TMC2: variants seen among roughly 807,000 people sequenced by gnomAD.
TMC2 encodes the protein transmembrane channel-like protein 2.
Under a neutral mutation model 105.9 loss-of-function variants are expected in TMC2, and 102 were observed. The observed-to-expected ratio is 0.96, with a 90% confidence interval of 0.82 to 1.14. The LOEUF (loss-of-function observed/expected upper bound fraction) is 1.14, where lower values mean the gene tolerates loss of function less well. Among genes scored for constraint, TMC2 ranks in the 50% most tolerant of loss-of-function variants. The probability of loss-of-function intolerance (pLI) is 0.00; values close to 1 mark genes in which losing one functional copy is unlikely to be tolerated. For missense variants in TMC2, 1,093 were observed against 1,134.3 expected (o/e 0.96, Z 0.52); for synonymous variants, 402 against 422.8 (o/e 0.95, Z 0.60).
At chr20:2,574,392 T>C (rs2086127930) in intron 5 of TMC2, among the ~76,000 whole-genome samples, 1 of 152,262 alleles carries the variant, frequency 6.6e-6, no homozygotes, top group Non-Finnish European at 1.5e-5. Flanking sequence ...AGGACTGCAC[T>C]TGCATTATAA....
At chr20:2,591,155 G>A (rs577426604) in intron 7 of TMC2, among the ~76,000 whole-genome samples, 8 of 152,056 alleles carry the variant, frequency 5.3e-5, no homozygotes, top group African/African-American at 1.2e-4. Context: ...TTATATACAC[G>A]TATAGAACTA....
At chr20:2,537,058 G>A (rs1295093348) in intron 1 of TMC2, among the ~76,000 whole-genome samples, 1 of 152,224 alleles carries the variant, frequency 6.6e-6, no homozygotes. Context: ...GTGCAGGGCA[G>A]GGGGTGGGGG....
chr20:2,621,739 C>T (rs181184616), intron 16 of TMC2, among the ~76,000 whole-genome samples: 38 of 152,260 alleles, frequency 2.5e-4, no homozygotes, highest in African/African-American at 7.9e-4. Context: ...GTTGGTGATT[C>T]TTTCTTCCTT....
At chr20:2,552,139 T>TC (rs1186234476) in intron 2 of TMC2, among the ~76,000 whole-genome samples, 2 of 151,946 alleles carry the variant, frequency 1.3e-5, no homozygotes, top group Non-Finnish European at 2.9e-5. Context: ...GCACCTGTAG[T>TC]CCCCCCTACT....
At chr20:2,571,520 G>A (rs574925718) in intron 4 of TMC2, among the ~76,000 whole-genome samples, 25 of 152,170 alleles carry the variant, frequency 1.6e-4, no homozygotes, top group East Asian at 7.7e-4. Context: ...GTAAGGGTGC[G>A]GAAAAACAAA....
intron 4 of TMC2, among the ~76,000 whole-genome samples, chr20:2,564,168 T>TTTTTTA (rs2086047285): frequency 6.7e-6 from 1 of 148,444 alleles, no homozygotes; most frequent in Non-Finnish European, 1.5e-5. Context: ...TTTTTTTTTT[T>TTTTTTA]GAGATGGAGT....
At chr20:2,569,687 T>C (rs73583375) in intron 4 of TMC2, among the ~76,000 whole-genome samples, 19,293 of 152,262 alleles carry the variant, frequency 0.13, 1,524 homozygotes, top group African/African-American at 0.21. Flanking sequence ...CGTTAATTAG[T>C]GCACAGTTCT....
In TMC2 at chr20:2,617,204, C is replaced by A; in HGVS notation, c.2073C>A (p.Ser691=). ...PHERVFKASR[S]NNFYMGLLLL... is the part of the protein sequence containing the mutation. ...AACGCGTGTTCAAAGCCTCCCGATC[C>A]AACAACTTCTACATGGGCCTCCTGC... Residue 691 remains serine, a synonymous_variant, in exon 16 of 20, where the codon TCC becomes TCA. Transcript: ENST00000358864. The A allele has an allele frequency of 1.2e-6, 2 of 1,614,210 alleles. No homozygotes were observed. Among genetic ancestry groups the A allele is most frequent in the Non-Finnish European group, 1.7e-6 (2 of 1,180,040 alleles).
intron 5 of TMC2, among the ~76,000 whole-genome samples, chr20:2,576,696 C>T (rs1489634015): frequency 6.6e-6 from 1 of 152,096 alleles, no homozygotes. Context: ...ATTTGAAGTC[C>T]ACAGCAGTCA....
At chr20:2,591,215 T>C (rs1185142357) in intron 7 of TMC2, among the ~76,000 whole-genome samples, 1 of 152,232 alleles carries the variant, frequency 6.6e-6, no homozygotes, top group Non-Finnish European at 1.5e-5. Context: ...AAGTTTCTTG[T>C]ACATATTTTT....
intron 11 of TMC2, 142 bp from the exon 12 acceptor site, chr20:2,610,276 CA>C: frequency 1.5e-6 from 1 of 674,058 alleles, no homozygotes; most frequent in Non-Finnish European, 2.4e-6. Context: ...GGTCACACAG[CA>C]AGCTGTGTAG....
chr20:2,543,039 C>T lies in TMC2; in HGVS notation c.82+5723C>T, dbSNP rs370935579. 5.9e-5 allele frequency among the ~76,000 whole-genome samples: 9 copies of T among 152,098 alleles called. No homozygotes were observed. In the South Asian group the frequency reaches 8.3e-4, roughly 14 times the overall value. ...ATCACTTGAGGTCAGGAGTTTGAGA[C>T]CAGCCTGGCCAACATGGTGAAACCC... On this transcript the variant is annotated intron_variant, in intron 2 of 19. Transcript: ENST00000358864.
chr20:2,626,265 G>A (rs891341594), intron 17 of TMC2, among the ~76,000 whole-genome samples: 1 of 152,314 alleles, frequency 6.6e-6, no homozygotes, highest in South Asian at 2.1e-4. Flanking sequence ...GACTTAGCAG[G>A]AATCATTCTT....
At chr20:2,620,532 G>A (rs976166357) in intron 16 of TMC2, among the ~76,000 whole-genome samples, 1 of 152,192 alleles carries the variant, frequency 6.6e-6, no homozygotes, top group African/African-American at 2.4e-5. Context: ...CTTTAACAGA[G>A]TACATTCTCA....
chr20:2,630,895 A>C (rs2086598145), intron 17 of TMC2, among the ~76,000 whole-genome samples: 1 of 152,206 alleles, frequency 6.6e-6, no homozygotes, highest in South Asian at 2.1e-4. Flanking sequence ...GTGTTTATCC[A>C]TTCTGTCAAT....
At chr20:2,602,664 A>G (rs1378256154) in intron 11 of TMC2, among the ~76,000 whole-genome samples, 1 of 152,204 alleles carries the variant, frequency 6.6e-6, no homozygotes, top group Non-Finnish European at 1.5e-5. Context: ...CTGTTTGTCT[A>G]TTCCTGCACA....
At position 2,558,720 on chromosome 20, in the gene TMC2, G is replaced by GTT; in HGVS notation, c.347_348insTT (p.Arg116SerfsTer67). 1 of 1,591,598 alleles carries GTT rather than the reference G, an allele frequency of 6.3e-7. No homozygotes were observed. The highest frequency in any genetic ancestry group is 8.6e-7 in the Non-Finnish European group (1 of 1,169,332). Reference sequence around the variant, plus strand: ...CAGGAGCGGACAGCAGCCCCAAAGAGGGAAAAGGAGATTCCGAGGAGGGAG... The same window carrying GTT: ...CAGGAGCGGACAGCAGCCCCAAAGAGTTGGAAAAGGAGATTCCGAGGAGGGAG... On this transcript the variant is annotated frameshift_variant, in exon 3 of 20. Transcript: ENST00000358864. LOFTEE classifies it high-confidence loss of function. The surrounding 1 kb of genome is among the most constrained non-coding windows in gnomAD (Gnocchi z 4.6).
intron 11 of TMC2, among the ~76,000 whole-genome samples, chr20:2,602,989 A>C (rs886148991): frequency 6.6e-6 from 1 of 152,228 alleles, no homozygotes; most frequent in Admixed American, 6.5e-5. Context: ...CAACCATGAA[A>C]CATGCAGAGA....
At chr20:2,625,289 C>T (rs970628568) in intron 17 of TMC2, among the ~76,000 whole-genome samples, 9 of 152,148 alleles carry the variant, frequency 5.9e-5, no homozygotes, top group South Asian at 2.1e-4. Context: ...CAAGATTCAA[C>T]AGATGTTAAC....
Sources: allele counts gnomAD v4.1 joint callset (sites outside exome capture counted in the v4.1 genomes callset), GRCh38; gene constraint gnomAD v4.1.1; non-coding constraint Gnocchi (gnomAD v3.1); transcripts MANE v1.5; gene names NCBI Gene and HGNC (gene_info 2026-07-23, HGNC 2026-07-21).